CACNA2D1: variants seen among roughly 807,000 people sequenced by gnomAD.
The protein encoded by CACNA2D1 is calcium voltage-gated channel auxiliary subunit alpha2delta 1.
CACNA2D1 carries 53 observed loss-of-function variants against 171.5 expected under a neutral mutation model. The ratio of observed to expected loss-of-function variants is 0.31; its 90% CI spans 0.25 to 0.39. The LOEUF is 0.39. Ranked by LOEUF, CACNA2D1 falls within the 10% of genes least tolerant of loss-of-function variation. The pLI is 1.00. For synonymous variants in CACNA2D1, 442 were observed against 443.1 expected (o/e 1.00, Z 0.03); for missense variants, 903 against 1,299.8 (o/e 0.69, Z 4.69).
At chr7:82,085,426 A>C (rs1294142837) in intron 6 of CACNA2D1, among the ~76,000 whole-genome samples, 1 of 152,050 alleles carries the variant, frequency 6.6e-6, no homozygotes, top group Non-Finnish European at 1.5e-5. Context: ...GTTCTGAGGA[A>C]ACCTATGGGG....
At chr7:81,982,318 C>T (rs376872641) in intron 24 of CACNA2D1, among the ~76,000 whole-genome samples, 10 of 152,224 alleles carry the variant, frequency 6.6e-5, no homozygotes, top group Non-Finnish European at 1.0e-4. Context: ...TCAATGGAGA[C>T]GGGGTTTCAC....
chr7:82,081,698 G>C (rs538040612), intron 7 of CACNA2D1, among the ~76,000 whole-genome samples: 3 of 152,296 alleles, frequency 2.0e-5, no homozygotes, highest in South Asian at 4.1e-4. Flanking sequence ...TTGCCAGCCA[G>C]AGACCTCTGG....
intron 3 of CACNA2D1, among the ~76,000 whole-genome samples, chr7:82,303,468 A>G (rs1813310482): frequency 6.6e-6 from 1 of 151,654 alleles, no homozygotes; most frequent in Non-Finnish European, 1.5e-5. Context: ...AAAAAAAAAA[A>G]CTCAAGTAGC....
chr7:82,332,237 T>C (rs1479970074), intron 3 of CACNA2D1, among the ~76,000 whole-genome samples: 1 of 152,034 alleles, frequency 6.6e-6, no homozygotes, highest in Non-Finnish European at 1.5e-5. Context: ...AATTTTTGTA[T>C]TTTTAGTAAA....
intron 1 of CACNA2D1, among the ~76,000 whole-genome samples, chr7:82,368,589 T>C (rs1436254261): frequency 1.3e-5 from 2 of 152,214 alleles, no homozygotes; most frequent in African/African-American, 4.8e-5. Flanking sequence ...CTTTTATGTA[T>C]GTTTTAATCT....
At chr7:81,956,332 C>T (rs1005810817) in intron 38 of CACNA2D1, among the ~76,000 whole-genome samples, 1 of 151,810 alleles carries the variant, frequency 6.6e-6, no homozygotes, top group Non-Finnish European at 1.5e-5. Flanking sequence ...AAGAGCAATA[C>T]TTACATATTT....
At chr7:81,968,824 TA>T in intron 29 of CACNA2D1, 62 bp downstream of exon 29, 1 of 915,814 alleles carries the variant, frequency 1.1e-6, no homozygotes. Context: ...TGCCAGTTTA[TA>T]ATATAAATGC....
At chr7:82,192,391 A>T (rs1297974223) in intron 3 of CACNA2D1, among the ~76,000 whole-genome samples, 1 of 109,078 alleles carries the variant, frequency 9.2e-6, no homozygotes, top group African/African-American at 3.5e-5. Flanking sequence ...TTAACAAAAA[A>T]CAGGGGAAAT....
chr7:82,439,961 A>C (rs1830371046), intron 1 of CACNA2D1, among the ~76,000 whole-genome samples: 1 of 151,902 alleles, frequency 6.6e-6, no homozygotes, highest in South Asian at 2.1e-4. Context: ...TGTCACTTAT[A>C]ATGCATGGAA....
At chr7:82,295,946 C>T (rs1812224931) in intron 3 of CACNA2D1, among the ~76,000 whole-genome samples, 1 of 151,928 alleles carries the variant, frequency 6.6e-6, no homozygotes, top group Non-Finnish European at 1.5e-5. Context: ...ATGATGAGTT[C>T]ATGTCCTTTG....
At chr7:82,081,295 C>G (rs1218085966) in intron 7 of CACNA2D1, among the ~76,000 whole-genome samples, 1 of 152,058 alleles carries the variant, frequency 6.6e-6, no homozygotes, top group Non-Finnish European at 1.5e-5. Context: ...ATAGTCTCCC[C>G]AAAAATTTTT....
intron 3 of CACNA2D1, among the ~76,000 whole-genome samples, chr7:82,313,229 A>G (rs547803253): frequency 1.3e-5 from 2 of 152,192 alleles, no homozygotes; most frequent in Non-Finnish European, 2.9e-5. Context: ...TAATATGTGA[A>G]TCTTTGTGAA....
At chr7:82,082,614 G>T (rs1809938294) in intron 7 of CACNA2D1, among the ~76,000 whole-genome samples, 1 of 151,516 alleles carries the variant, frequency 6.6e-6, no homozygotes, top group Admixed American at 6.6e-5. Context: ...AAACAAGAAG[G>T]GAGGTTCTCA....
rs187421570 is a variant in CACNA2D1 at position 82,262,239 on chromosome 7, G to A, written c.294+72896C>T. Reference sequence around the variant, plus strand: ...CCAGCTACTCGGGAGGCTGAGGCAGGAGAATGGCGTGAACCCAGGACGTGG... The same window carrying A: ...CCAGCTACTCGGGAGGCTGAGGCAGAAGAATGGCGTGAACCCAGGACGTGG... On this transcript the variant is annotated intron_variant, in intron 3 of 38. Transcript: ENST00000356860. Among the ~76,000 whole-genome samples the A allele has an allele frequency of 3.1e-3, 476 of 152,314 alleles. 2 individuals are homozygous for A. Among genetic ancestry groups the A allele is most frequent in the Middle Eastern group, 6.8e-3 (2 of 294 alleles).
chr7:82,368,431 G>A (rs1349753767), intron 1 of CACNA2D1, among the ~76,000 whole-genome samples: 1 of 152,162 alleles, frequency 6.6e-6, no homozygotes, highest in Non-Finnish European at 1.5e-5. Context: ...CACCATAGCT[G>A]ATCTCTCATT....
chr7:81,980,669 T>C (rs1224299960), intron 24 of CACNA2D1, among the ~76,000 whole-genome samples: 1 of 151,946 alleles, frequency 6.6e-6, no homozygotes. Flanking sequence ...AATATGAAAG[T>C]AGGGAGATCA....
intron 3 of CACNA2D1, among the ~76,000 whole-genome samples, chr7:82,253,585 GA>G (rs563108622): frequency 8.1e-4 from 123 of 152,212 alleles, no homozygotes; most frequent in African/African-American, 2.8e-3. Flanking sequence ...AAGAATCTGA[GA>G]AGTCTTGAGA....
At chr7:82,404,123 C>T (rs2237529) in intron 1 of CACNA2D1, among the ~76,000 whole-genome samples, 8,659 of 152,224 alleles carry the variant, frequency 0.057, 424 homozygotes, top group East Asian at 0.27. Flanking sequence ...AGCCAAAGGA[C>T]GACACCAAGG....
At chr7:82,417,454 C>T (rs1001571184) in intron 1 of CACNA2D1, among the ~76,000 whole-genome samples, 3 of 152,178 alleles carry the variant, frequency 2.0e-5, no homozygotes, top group Admixed American at 6.6e-5. Context: ...TACTCGTTAT[C>T]AGGAATTAAT....
Sources: allele counts gnomAD v4.1 joint callset (sites outside exome capture counted in the v4.1 genomes callset), GRCh38; gene constraint gnomAD v4.1.1; transcripts MANE v1.5; gene names NCBI Gene and HGNC (gene_info 2026-07-23, HGNC 2026-07-21).